FZD3: variants seen among roughly 807,000 people sequenced by gnomAD.
FZD3 encodes frizzled class receptor 3.
FZD3 carries 30 observed loss-of-function variants against 60.7 expected under a neutral mutation model. That is an observed-to-expected ratio of 0.49 (90% CI 0.37 to 0.67). The LOEUF is 0.67. Among genes scored for constraint, FZD3 ranks in the 30% least tolerant of loss-of-function variants. The pLI is 0.00. For missense variants in FZD3, 605 were observed against 838.7 expected (o/e 0.72, Z 3.44); for synonymous variants, 246 against 275.2 (o/e 0.89, Z 1.05).
At chr8:28,538,541 A>G (rs1312952227) in intron 5 of FZD3, among the ~76,000 whole-genome samples, 3 of 152,176 alleles carry the variant, frequency 2.0e-5, no homozygotes, top group Non-Finnish European at 4.4e-5. Flanking sequence ...ATGTGAACTG[A>G]TTCCAAAGCC....
rs1563380447 is a variant in FZD3 at position 28,503,150 on chromosome 8, T to C, written c.137T>C (p.Met46Thr). The part of the protein sequence containing the change: ...CQDLPYNTTF[M>T]PNLLNHYDQQ... Reference sequence around the variant, plus strand: ...GATTTGCCTTATAATACTACCTTCATGCCTAATCTTCTGAATCATTATGAC... The same window carrying C: ...GATTTGCCTTATAATACTACCTTCACGCCTAATCTTCTGAATCATTATGAC... Residue 46 changes from methionine (M) to threonine (T), a missense_variant, in exon 3 of 8, where the codon ATG becomes ACG. Physicochemically the swap from Met to Thr is moderately conservative, Grantham distance 81. Coordinates refer to ENST00000240093, the MANE Select transcript of FZD3 (RefSeq NM_017412.4). The C allele has an allele frequency of 6.2e-7, 1 of 1,613,638 alleles. No homozygotes were observed. The highest frequency in any genetic ancestry group is 8.5e-7 in the Non-Finnish European group (1 of 1,179,544).
At chr8:28,509,044 G>A (rs969569008) in intron 3 of FZD3, among the ~76,000 whole-genome samples, 3 of 152,228 alleles carry the variant, frequency 2.0e-5, no homozygotes, top group Middle Eastern at 3.4e-3. Flanking sequence ...ATGTATATCA[G>A]CAAGGATGTA....
At chr8:28,536,700 C>G (rs1467918288) in intron 5 of FZD3, among the ~76,000 whole-genome samples, 2 of 151,966 alleles carry the variant, frequency 1.3e-5, no homozygotes. Flanking sequence ...CAGGGAGACC[C>G]TGTCTCAAAA....
At chr8:28,547,022 A>G (rs1052846927) in intron 5 of FZD3, among the ~76,000 whole-genome samples, 8 of 152,308 alleles carry the variant, frequency 5.3e-5, no homozygotes, top group Non-Finnish European at 1.0e-4. Flanking sequence ...CTACGAAAGT[A>G]TATGGGAAAA....
intron 7 of FZD3, among the ~76,000 whole-genome samples, chr8:28,559,450 C>T (rs928936471): frequency 3.9e-5 from 6 of 152,152 alleles, no homozygotes; most frequent in African/African-American, 1.2e-4. Flanking sequence ...CTAGGTGACA[C>T]CGTATTCCTC....
chr8:28,502,144 A>G (rs976207717), intron 2 of FZD3, among the ~76,000 whole-genome samples: 2 of 152,196 alleles, frequency 1.3e-5, no homozygotes, highest in South Asian at 2.1e-4. Context: ...CATAGAAGTT[A>G]AGTGGTATGT....
At chr8:28,541,643 C>T (rs934447462) in intron 5 of FZD3, among the ~76,000 whole-genome samples, 4 of 152,212 alleles carry the variant, frequency 2.6e-5, no homozygotes, top group Non-Finnish European at 4.4e-5. Flanking sequence ...TACAGCCCAA[C>T]CTTGTTTCTG....
At chr8:28,538,515 A>G (rs946105134) in intron 5 of FZD3, among the ~76,000 whole-genome samples, 1 of 152,158 alleles carries the variant, frequency 6.6e-6, no homozygotes, top group Non-Finnish European at 1.5e-5. Flanking sequence ...GTCATACAGT[A>G]AGTTACAGAG....
intron 5 of FZD3, among the ~76,000 whole-genome samples, chr8:28,535,205 G>A (rs1364864308): frequency 6.6e-6 from 1 of 152,010 alleles, no homozygotes; most frequent in African/African-American, 2.4e-5. Flanking sequence ...TGTTCTCGCT[G>A]AAAACAGTTT....
chr8:28,549,329 G>A (rs1387986540), intron 5 of FZD3, among the ~76,000 whole-genome samples: 1 of 152,116 alleles, frequency 6.6e-6, no homozygotes, highest in African/African-American at 2.4e-5. Context: ...TTGGATAGAG[G>A]AGACAGTTTA....
chr8:28,527,355 C>T lies in FZD3; in HGVS notation c.595C>T (p.Leu199=), dbSNP rs757589666. The T allele has an allele frequency of 6.2e-7, 1 of 1,613,446 alleles. No homozygotes were observed. The highest frequency in any genetic ancestry group is 8.5e-7 in the Non-Finnish European group (1 of 1,179,394). ...CPNMYFRREE[L]SFARYFIGLI... ...AAATATGTACTTCAGAAGAGAAGAA[C>T]TGTCATTTGCTCGCTATTTCATAGG... The change falls in exon 5 of 8, where the codon CTG becomes TTG. Residue 199 remains leucine, a synonymous_variant. Transcript: ENST00000240093. This position sits in a 1 kb window ranked among gnomAD's most constrained non-coding sequence, Gnocchi z 5.0.
At chr8:28,504,456 G>GGT (rs1023835337) in intron 3 of FZD3, among the ~76,000 whole-genome samples, 1 of 152,042 alleles carries the variant, frequency 6.6e-6, no homozygotes, top group African/African-American at 2.4e-5. Flanking sequence ...TTTTATTTCT[G>GGT]GTATCATTTT....
intron 5 of FZD3, among the ~76,000 whole-genome samples, chr8:28,550,692 A>C (rs894828052): frequency 2.6e-5 from 4 of 151,854 alleles, no homozygotes; most frequent in African/African-American, 9.7e-5. Flanking sequence ...GGGTTTTGCC[A>C]TCTTGGCCAG....
At chr8:28,525,274 G>A (rs1804687912) in intron 4 of FZD3, among the ~76,000 whole-genome samples, 2 of 152,178 alleles carry the variant, frequency 1.3e-5, no homozygotes. Context: ...AATTCTAATG[G>A]TGGTGGTAAA....
At chr8:28,506,251 G>A (rs562375197) in intron 3 of FZD3, among the ~76,000 whole-genome samples, 6 of 152,298 alleles carry the variant, frequency 3.9e-5, no homozygotes, top group Non-Finnish European at 7.4e-5. Flanking sequence ...TGGCTAGGAC[G>A]GGAACAGATT....
intron 6 of FZD3, 32 bp from the exon 7 acceptor site, chr8:28,555,706 A>T: frequency 1.7e-6 from 2 of 1,165,254 alleles, no homozygotes; most frequent in Non-Finnish European, 2.6e-6. Flanking sequence ...GAAGATTGGT[A>T]TGTATCTTAA....
chr8:28,566,886 A>G lies in FZD3; in HGVS notation c.*3875A>G, dbSNP rs1293181091. ...GTTTCTTCAATGTAAAATGTGGATAAGGTAATTTTTGGTTTTAGCCTCCCT... is the reference window on the plus strand; with the variant it reads ...GTTTCTTCAATGTAAAATGTGGATAGGGTAATTTTTGGTTTTAGCCTCCCT... On this transcript the variant is annotated 3_prime_UTR_variant, in exon 8 of 8. Coordinates refer to ENST00000240093, the MANE Select transcript of FZD3 (RefSeq NM_017412.4). The G allele has an allele frequency of 1.3e-5, 2 of 152,174 alleles. No individual in the cohort carries two copies. Among genetic ancestry groups the G allele is most frequent in the Non-Finnish European group, 2.9e-5 (2 of 68,028 alleles). The allele number at this position is 152,174 out of a possible 1,614,324, so 9.4% of individuals were successfully genotyped here. A position where few individuals can be genotyped will look rare whatever the true frequency, so the allele number is the denominator to read the frequency against.
Position 28,527,365 on chromosome 8 carries a change from C to T in FZD3, c.605C>T (p.Ala202Val). ...MYFRREELSF[A>V]RYFIGLISII... ...TTCAGAAGAGAAGAACTGTCATTTG[C>T]TCGCTATTTCATAGGATTGATTTCA... Residue 202 changes from alanine to valine, a missense_variant, in exon 5 of 8, where the codon GCT becomes GTT. Transcript: ENST00000240093. This position sits in a 1 kb window ranked among gnomAD's most constrained non-coding sequence, Gnocchi z 5.0. 1.2e-6 allele frequency: 2 copies of T among 1,613,668 alleles called. No homozygotes were observed. The highest frequency in any genetic ancestry group is 1.7e-6 in the Non-Finnish European group (2 of 1,179,570).
chr8:28,509,637 C>A (rs560698131), intron 3 of FZD3, among the ~76,000 whole-genome samples: 3 of 152,174 alleles, frequency 2.0e-5, no homozygotes, highest in Non-Finnish European at 4.4e-5. Context: ...GTTTTACTTT[C>A]TTTGCCTCTG....
Sources: allele counts gnomAD v4.1 joint callset (sites outside exome capture counted in the v4.1 genomes callset), GRCh38; gene constraint gnomAD v4.1.1; non-coding constraint Gnocchi (gnomAD v3.1); transcripts MANE v1.5; gene names NCBI Gene and HGNC (gene_info 2026-07-23, HGNC 2026-07-21).